Variants in APBA1 observed in about 807,000 individuals in gnomAD.
The protein encoded by APBA1 is amyloid beta precursor protein binding family A member 1, also known as amyloid-beta A4 precursor protein-binding family A member 1.
In APBA1, 55 loss-of-function variants were observed where a neutral mutation model predicts 86.6. The observed-to-expected ratio is 0.64, with a 90% CI of 0.51 to 0.80. APBA1 has a LOEUF of 0.80. Among genes scored for constraint, APBA1 ranks in the 30% least tolerant of loss-of-function variants. APBA1 has a pLI of 0.00. For synonymous variants in APBA1, 511 were observed against 493.9 expected (o/e 1.03, Z -0.46); for missense variants, 1,090 against 1,183.0 (o/e 0.92, Z 1.15).
chr9:69,437,569 G>GTGTT (rs1834750815), intron 11 of APBA1, among the ~76,000 whole-genome samples: 2 of 61,680 alleles, frequency 3.2e-5, no homozygotes, highest in South Asian at 6.2e-4. Flanking sequence ...TTGAGTAGAG[G>GTGTT]TGTTTATAGT....
intron 1 of APBA1, among the ~76,000 whole-genome samples, chr9:69,520,629 C>G (rs1836236995): frequency 6.6e-6 from 1 of 152,204 alleles, no homozygotes; most frequent in African/African-American, 2.4e-5. Context: ...AACACTTCAA[C>G]TCAGCCAGCC....
At chr9:69,458,481 T>C (rs1302689436) in intron 5 of APBA1, among the ~76,000 whole-genome samples, 3 of 152,360 alleles carry the variant, frequency 2.0e-5, no homozygotes, top group East Asian at 3.9e-4. Flanking sequence ...ATTTTCTTTA[T>C]TGTACGCCTG....
At chr9:69,557,863 A>G (rs1225478809) in intron 1 of APBA1, among the ~76,000 whole-genome samples, 1 of 152,182 alleles carries the variant, frequency 6.6e-6, no homozygotes, top group Non-Finnish European at 1.5e-5. Context: ...CCATTCTTAT[A>G]AATGATGTAT....
chr9:69,575,804 C>G (rs2133951998), intron 1 of APBA1, among the ~76,000 whole-genome samples: 1 of 152,312 alleles, frequency 6.6e-6, no homozygotes, highest in Non-Finnish European at 1.5e-5. Flanking sequence ...TGGGCAAGGA[C>G]TTCATGTCTA....
chr9:69,608,428 C>A (rs1441633785), intron 1 of APBA1, among the ~76,000 whole-genome samples: 1 of 152,134 alleles, frequency 6.6e-6, no homozygotes, highest in Non-Finnish European at 1.5e-5. Flanking sequence ...GGTGAAGCAG[C>A]AGACCTATAA....
At chr9:69,608,847 T>C (rs1050070434) in intron 1 of APBA1, among the ~76,000 whole-genome samples, 2 of 152,210 alleles carry the variant, frequency 1.3e-5, no homozygotes, top group Non-Finnish European at 2.9e-5. Context: ...CCCTCCTCTG[T>C]AGTAGGTGTG....
At chr9:69,616,606 A>G (rs1258204186) in intron 1 of APBA1, among the ~76,000 whole-genome samples, 2 of 152,204 alleles carry the variant, frequency 1.3e-5, no homozygotes, top group African/African-American at 4.8e-5. Flanking sequence ...CAGAACAGAT[A>G]AAATTGAACT....
intron 1 of APBA1, among the ~76,000 whole-genome samples, chr9:69,518,923 A>G (rs754230929): frequency 4.6e-5 from 7 of 152,162 alleles, no homozygotes; most frequent in Non-Finnish European, 8.8e-5. Context: ...AAGCAGAAGT[A>G]TCATGTCTTC....
Position 69,432,585 on chromosome 9 carries a change from G to A in APBA1, c.2393C>T (p.Ala798Val), listed in dbSNP as rs747434121. Reference sequence around the variant, plus strand: ...GTGGACGATCTTCTCGTGGGGGGTGGCCACGACGCTCTGTCCATTGATTTC... The same window carrying A: ...GTGGACGATCTTCTCGTGGGGGGTGACCACGACGCTCTGTCCATTGATTTC... ...IIEINGQSVV[A>V]TPHEKIVHIL... The change falls in exon 12 of 13, where the codon GCC becomes GTC. Residue 798 changes from alanine (A) to valine (V), a missense_variant. Physicochemically the swap from Ala to Val is moderately conservative, Grantham distance 64. This residue lies in a region of APBA1 where 119 missense variants were observed against 124.8 expected (regional missense o/e 0.95). Coordinates refer to ENST00000265381, the MANE Select transcript of APBA1 (RefSeq NM_001163.4). The A allele has an allele frequency of 6.2e-7, 1 of 1,601,836 alleles. No individual in the cohort carries two copies. Among genetic ancestry groups the A allele is most frequent in the Admixed American group, 1.7e-5 (1 of 58,666 alleles).
chr9:69,633,362 C>T (rs921020268), intron 1 of APBA1, among the ~76,000 whole-genome samples: 9 of 152,176 alleles, frequency 5.9e-5, no homozygotes, highest in East Asian at 3.9e-4. Flanking sequence ...AACATACAGC[C>T]GTGCAAAACA....
At chr9:69,547,424 G>A (rs1836715239) in intron 1 of APBA1, among the ~76,000 whole-genome samples, 1 of 152,142 alleles carries the variant, frequency 6.6e-6, no homozygotes, top group Non-Finnish European at 1.5e-5. Flanking sequence ...AGCTTCCCTA[G>A]AATCCCCATC....
intron 1 of APBA1, among the ~76,000 whole-genome samples, chr9:69,659,715 G>GCACTT (rs1199051398): frequency 6.6e-6 from 1 of 152,160 alleles, no homozygotes; most frequent in African/African-American, 2.4e-5. Context: ...ATAATGATAT[G>GCACTT]CACTTTTAAC....
intron 1 of APBA1, among the ~76,000 whole-genome samples, chr9:69,583,296 C>T (rs1041470697): frequency 2.0e-5 from 3 of 152,136 alleles, no homozygotes; most frequent in East Asian, 1.9e-4. Context: ...GGACTCTGTC[C>T]GCTCTATGTG....
chr9:69,654,112 C>CAAAAA (rs34666773), intron 1 of APBA1, among the ~76,000 whole-genome samples: 3 of 60,380 alleles, frequency 5.0e-5, no homozygotes, highest in South Asian at 5.3e-4. Flanking sequence ...AACTCCATCT[C>CAAAAA]AAAAAAAAAA....
intron 10 of APBA1, among the ~76,000 whole-genome samples, chr9:69,447,971 C>A (rs1479617050): frequency 2.0e-5 from 3 of 152,140 alleles, no homozygotes; most frequent in African/African-American, 7.2e-5. Flanking sequence ...AAGCAACTTG[C>A]TCACTGGCAG....
intron 1 of APBA1, among the ~76,000 whole-genome samples, chr9:69,665,601 C>T (rs1823828078): frequency 6.6e-6 from 1 of 152,122 alleles, no homozygotes; most frequent in Non-Finnish European, 1.5e-5. Flanking sequence ...AGAGTATACC[C>T]AGATGAACAA....
At chr9:69,623,463 G>A (rs1043112899) in intron 1 of APBA1, among the ~76,000 whole-genome samples, 1 of 151,808 alleles carries the variant, frequency 6.6e-6, no homozygotes. Flanking sequence ...TTTGATAGAA[G>A]ACAGCTGGGG....
chr9:69,516,761 C>T lies in APBA1; in HGVS notation c.450G>A (p.Leu150=). The change falls in exon 2 of 13, where the codon CTG becomes CTA. Residue 150 remains leucine, a synonymous_variant. Coordinates refer to ENST00000265381, the MANE Select transcript of APBA1 (RefSeq NM_001163.4). This position sits in a 1 kb window ranked among gnomAD's most constrained non-coding sequence, Gnocchi z 7.3. ...ATHRRALPNH[L]HFHSLEHEEA... ...CCTCGTGCTCCAGCGAGTGGAAGTG[C>T]AGGTGGTTGGGCAGCGCGCGGCGGT... 1 of 1,612,058 alleles carries T rather than the reference C, an allele frequency of 6.2e-7. No individual in the cohort carries two copies. Among genetic ancestry groups the T allele is most frequent in the South Asian group, 1.1e-5 (1 of 90,976 alleles).
chr9:69,544,404 T>C (rs1305922679), intron 1 of APBA1, among the ~76,000 whole-genome samples: 2 of 152,240 alleles, frequency 1.3e-5, no homozygotes, highest in Non-Finnish European at 2.9e-5. Flanking sequence ...AGAATGGCTT[T>C]CTACCAATTT....
Sources: gnomAD v4.1 joint callset for allele counts (sites outside exome capture counted in the v4.1 genomes callset) on GRCh38, gnomAD v4.1.1 for gene constraint, gnomAD v4.1.1 regional missense constraint, Gnocchi (gnomAD v3.1) non-coding constraint, MANE v1.5 for transcripts, NCBI Gene and HGNC (gene_info 2026-07-23, HGNC 2026-07-21) for gene names.